The following IPP variants were observed in gnomAD, a reference collection of about 807,000 sequenced individuals.
IPP encodes intracisternal A particle-promoted polypeptide, also known as actin-binding protein IPP.
A neutral mutation model predicts 64.1 loss-of-function variants in IPP; 41 were observed. That is an observed-to-expected ratio of 0.64 (90% CI 0.50 to 0.83). The LOEUF (loss-of-function observed/expected upper bound fraction) is 0.83, where lower values mean the gene tolerates loss of function less well. Among genes scored for constraint, IPP ranks in the 40% least tolerant of loss-of-function variants. IPP has a pLI of 0.00. For synonymous variants in IPP, 214 were observed against 235.2 expected, an observed-to-expected ratio of 0.91 and a Z score of 0.83; for missense variants, 649 against 703.0, an observed-to-expected ratio of 0.92 and a Z score of 0.87.
chr1:45,723,443 G>A (rs537612849), intron 5 of IPP, among the ~76,000 whole-genome samples: 25 of 152,190 alleles, frequency 1.6e-4, no homozygotes, highest in Non-Finnish European at 3.7e-4. Context: ...ATCAGGGGAT[G>A]GAATACATAC....
intron 5 of IPP, among the ~76,000 whole-genome samples, chr1:45,721,214 C>T (rs1483606267): frequency 6.6e-6 from 1 of 152,166 alleles, no homozygotes; most frequent in Non-Finnish European, 1.5e-5. Flanking sequence ...TTGCTGGAAT[C>T]TGGGAATATG....
intron 7 of IPP, among the ~76,000 whole-genome samples, chr1:45,715,148 T>C (rs527722589): frequency 1.4e-5 from 2 of 146,066 alleles, no homozygotes; most frequent in East Asian, 4.0e-4. Flanking sequence ...TGAGCCAAGA[T>C]TGCACCACTG....
At chr1:45,735,730 A>G (rs1454777304) in intron 3 of IPP, among the ~76,000 whole-genome samples, 1 of 149,710 alleles carries the variant, frequency 6.7e-6, no homozygotes, top group Non-Finnish European at 1.5e-5. Flanking sequence ...CCTCGGTTCA[A>G]GCAATTCTCC....
At chr1:45,732,034 C>G (rs1025028080) in intron 3 of IPP, among the ~76,000 whole-genome samples, 2 of 151,950 alleles carry the variant, frequency 1.3e-5, no homozygotes, top group African/African-American at 4.8e-5. Flanking sequence ...ACAGACTCCT[C>G]GTAAGTGCTT....
At chr1:45,713,399 A>G (rs1051416407) in intron 8 of IPP, among the ~76,000 whole-genome samples, 1 of 152,106 alleles carries the variant, frequency 6.6e-6, no homozygotes, top group Non-Finnish European at 1.5e-5. Context: ...CGTCTCCACT[A>G]AAAATATAAA....
At position 45,706,220 on chromosome 1, in the gene IPP, G is replaced by C. The variant is rs1569951993; in HGVS notation, c.1531-6030C>G. Among the ~76,000 whole-genome samples the C allele has an allele frequency of 4.6e-5, 7 of 152,110 alleles. No homozygotes were observed. In the South Asian group the frequency reaches 1.2e-3, roughly 27 times the overall value. On this transcript the variant is annotated intron_variant, in intron 8 of 8. Transcript: ENST00000396478. The stretch of plus-strand genomic sequence containing the variant: ...TGTTGAACACCTGGGGCAATCAGCA[G>C]AGACCCAAAAAGAGTCATGCTTTAG...
At chr1:45,728,413 C>T (rs573032720) in intron 4 of IPP, among the ~76,000 whole-genome samples, 1 of 151,780 alleles carries the variant, frequency 6.6e-6, no homozygotes, top group Admixed American at 6.6e-5. Context: ...TACATAAAAA[C>T]AGTATTATGT....
intron 5 of IPP, among the ~76,000 whole-genome samples, chr1:45,719,772 C>T (rs958567027): frequency 4.6e-5 from 7 of 152,224 alleles, no homozygotes; most frequent in African/African-American, 1.7e-4. Flanking sequence ...GTCGCCCAGG[C>T]TGGAGTGCAG....
At chr1:45,718,842 G>A (rs1318277331) in intron 6 of IPP, among the ~76,000 whole-genome samples, 1 of 151,572 alleles carries the variant, frequency 6.6e-6, no homozygotes, top group Non-Finnish European at 1.5e-5. Context: ...GGTTACCAGA[G>A]GCTGGGAAGG....
At position 45,699,033 on chromosome 1, in the gene IPP, A is replaced by G. The variant is rs1645415095; in HGVS notation, c.*933T>C. The stretch of plus-strand genomic sequence containing the variant: ...TGAGCCACCATGCCCAGCCTAAAAA[A>G]GGGAGAAATTTCTAGGTGCATACTG... On this transcript the variant is annotated 3_prime_UTR_variant, in exon 9 of 9. Coordinates refer to ENST00000396478, the MANE Select transcript of IPP (RefSeq NM_005897.3). The G allele has an allele frequency of 4.1e-5, 40 of 985,348 alleles. No individual in the cohort carries two copies. The highest frequency in any genetic ancestry group is 4.7e-5 in the Non-Finnish European group (39 of 829,936). 61.0% of individuals were successfully genotyped at this position (985,348 alleles called of 1,614,324 possible). A position where few individuals can be genotyped will look rare whatever the true frequency, so the allele number is the denominator to read the frequency against.
rs1354987986 is a variant in IPP, at chr1:45,724,376, A to G, written c.1048+3255T>C. 2.3e-3 allele frequency among the ~76,000 whole-genome samples: 356 copies of G among 151,892 alleles called. 1 individual carries two copies. Among genetic ancestry groups the G allele is most frequent in the African/African-American group, 8.3e-3 (345 of 41,452 alleles). On this transcript the variant is annotated intron_variant, in intron 5 of 8. Transcript: ENST00000396478. Reference sequence around the variant, plus strand: ...TGCCTTGGCCTCCCAAAGAGCCGAGATTGCAGCCTCTGCCCGGCCGCCACC... The same window carrying G: ...TGCCTTGGCCTCCCAAAGAGCCGAGGTTGCAGCCTCTGCCCGGCCGCCACC...
At chr1:45,734,146 G>A (rs891610651) in intron 3 of IPP, among the ~76,000 whole-genome samples, 2 of 151,990 alleles carry the variant, frequency 1.3e-5, no homozygotes, top group African/African-American at 4.8e-5. Context: ...ACAAAAAAAG[G>A]AGTGGAAAGA....
intron 3 of IPP, among the ~76,000 whole-genome samples, chr1:45,740,532 G>C (rs868822434): frequency 3.3e-5 from 5 of 152,016 alleles, no homozygotes; most frequent in Non-Finnish European, 7.4e-5. Flanking sequence ...CAGACAGGGC[G>C]GCTGGCCGGG....
chr1:45,695,709 GC>G (rs1233122933), downstream of IPP, among the ~76,000 whole-genome samples: 1 of 151,144 alleles, frequency 6.6e-6, no homozygotes, highest in Non-Finnish European at 1.5e-5. Context: ...CACTCTTGTT[GC>G]CCAGGCTGGA....
At chr1:45,726,302 T>C (rs1645826725) in intron 5 of IPP, among the ~76,000 whole-genome samples, 1 of 151,356 alleles carries the variant, frequency 6.6e-6, no homozygotes, top group African/African-American at 2.4e-5. Flanking sequence ...CTACTAAAAT[T>C]ACAAAATTAG....
At chr1:45,715,251 T>C (rs1275745426) in intron 7 of IPP, among the ~76,000 whole-genome samples, 5 of 151,568 alleles carry the variant, frequency 3.3e-5, no homozygotes, top group Non-Finnish European at 7.4e-5. Flanking sequence ...TTACATAAAA[T>C]TTCCTTATAA....
At chr1:45,713,845 C>G (rs1392301248) in intron 8 of IPP, among the ~76,000 whole-genome samples, 1 of 152,144 alleles carries the variant, frequency 6.6e-6, no homozygotes, top group Non-Finnish European at 1.5e-5. Context: ...AGGCGTGGGC[C>G]ACCACGCCTA....
downstream of IPP, chr1:45,694,525 A>C (rs1645369993): frequency 1.4e-6 from 2 of 1,470,558 alleles, no homozygotes; most frequent in Non-Finnish European, 1.9e-6. Context: ...TCTGAAAAGA[A>C]AAGGTAGTTC....
In IPP at chr1:45,698,973, C is replaced by T; in HGVS notation, c.*993G>A. On this transcript the variant is annotated 3_prime_UTR_variant, in exon 9 of 9. Transcript: ENST00000396478. ...CTGAGTTCAAGCCATCTTCCCGTCT[C>T]ACCTCGGCCTCTCAAAGTGCTGGGA... 1 of 869,312 alleles carries T rather than the reference C, an allele frequency of 1.2e-6. No individual in the cohort carries two copies. The highest frequency in any genetic ancestry group is 1.4e-6 in the Non-Finnish European group (1 of 724,020). 53.8% of individuals were successfully genotyped at this position (869,312 alleles called of 1,614,324 possible). A position where few individuals can be genotyped will look rare whatever the true frequency, so the allele number is the denominator to read the frequency against.
Sources: gnomAD v4.1 joint callset for allele counts (sites outside exome capture counted in the v4.1 genomes callset) on GRCh38, gnomAD v4.1.1 for gene constraint, MANE v1.5 for transcripts, NCBI Gene and HGNC (gene_info 2026-07-23, HGNC 2026-07-21) for gene names.